Variants in TBC1D19 observed in about 807,000 individuals in gnomAD.
TBC1D19 encodes TBC1 domain family, member 19.
TBC1D19 carries 60 observed loss-of-function variants against 89.0 expected under a neutral mutation model. That is an observed-to-expected ratio of 0.67 (90% confidence interval 0.55 to 0.84). The LOEUF (loss-of-function observed/expected upper bound fraction) is 0.84. TBC1D19 is among the 40% of genes least tolerant of loss of function. The pLI, the probability that TBC1D19 is intolerant of heterozygous loss-of-function variation, is 0.00. For synonymous variants in TBC1D19, 189 were observed against 199.7 expected, an observed-to-expected ratio of 0.95 and a Z score of 0.45; for missense variants, 500 against 610.8, an observed-to-expected ratio of 0.82 and a Z score of 1.91.
intron 4 of TBC1D19, among the ~76,000 whole-genome samples, chr4:26,624,219 A>G (rs565941515): frequency 1.3e-5 from 2 of 152,150 alleles, no homozygotes; most frequent in South Asian, 2.1e-4. Context: ...CAAAAGTCCT[A>G]TCTATTTTGT....
At chr4:26,585,302 T>A (rs1305498268) in intron 1 of TBC1D19, 2 of 319,650 alleles carry the variant, frequency 6.3e-6, no homozygotes, top group African/African-American at 2.2e-5. Flanking sequence ...TTGATAGCGC[T>A]TGATGCTGCC....
At chr4:26,629,612 C>A (rs1742665349) in intron 4 of TBC1D19, among the ~76,000 whole-genome samples, 1 of 151,946 alleles carries the variant, frequency 6.6e-6, no homozygotes, top group Non-Finnish European at 1.5e-5. Flanking sequence ...TATAAAGAAT[C>A]AGAAACACAG....
At chr4:26,825,103 A>ATT in the TBC1D19 span, among the ~76,000 whole-genome samples, 28 of 144,682 alleles carry the variant, frequency 1.9e-4, no homozygotes, top group African/African-American at 3.8e-4. Flanking sequence ...ATAATTTAGG[A>ATT]TTTTTTTTTT....
chr4:26,755,093 C>T lies in TBC1D19; in HGVS notation c.*146C>T, dbSNP rs1414876439. On this transcript the variant is annotated 3_prime_UTR_variant, in exon 21 of 21. Coordinates refer to ENST00000264866, the MANE Select transcript of TBC1D19 (RefSeq NM_018317.4). ...CTCTTCAGTTAAACCTAAGTAGTTT[C>T]TCACTTTTTGAAACAATAACTCTGC... The T allele has an allele frequency of 5.0e-6, 3 of 599,434 alleles. No homozygotes were observed. The highest frequency in any genetic ancestry group is 3.8e-5 in the Admixed American group (1 of 26,166). 37.1% of individuals were successfully genotyped at this position (599,434 alleles called of 1,614,324 possible).
At chr4:26,686,228 A>G (rs1324247907) in intron 12 of TBC1D19, among the ~76,000 whole-genome samples, 2 of 152,224 alleles carry the variant, frequency 1.3e-5, no homozygotes, top group Non-Finnish European at 2.9e-5. Context: ...AAAGGAATGA[A>G]TGGAACAAGG....
intron 13 of TBC1D19, among the ~76,000 whole-genome samples, chr4:26,703,972 A>AAG (rs1294560510): frequency 6.6e-6 from 1 of 150,722 alleles, no homozygotes; most frequent in Non-Finnish European, 1.5e-5. Flanking sequence ...AAAAAAAAAA[A>AAG]AAAAGAAAAA....
At chr4:26,831,610 G>A in the TBC1D19 span, among the ~76,000 whole-genome samples, 11 of 135,724 alleles carry the variant, frequency 8.1e-5, no homozygotes, top group African/African-American at 2.5e-4. Flanking sequence ...TTTTTGAGAC[G>A]GAGTCTCTGT....
chr4:26,732,885 A>G (rs969002242), intron 15 of TBC1D19, among the ~76,000 whole-genome samples: 1 of 152,234 alleles, frequency 6.6e-6, no homozygotes, highest in African/African-American at 2.4e-5. Flanking sequence ...TATGAAGAAC[A>G]GCCAAAGGAA....
the TBC1D19 span, among the ~76,000 whole-genome samples, chr4:26,773,047 T>A: frequency 1.1e-4 from 16 of 152,242 alleles, no homozygotes; most frequent in Admixed American, 1.0e-3. Context: ...CCACACTATC[T>A]TCCACAGTGG....
intron 8 of TBC1D19, among the ~76,000 whole-genome samples, chr4:26,662,127 A>G (rs1745257335): frequency 6.6e-6 from 1 of 152,194 alleles, no homozygotes; most frequent in African/African-American, 2.4e-5. Context: ...TTTGTGATTC[A>G]GTACACTTTT....
At chr4:26,638,860 T>C in intron 6 of TBC1D19, 26 bp downstream of exon 6, 1 of 1,551,806 alleles carries the variant, frequency 6.4e-7, no homozygotes. Context: ...TTTCTGAATG[T>C]AGTAGTGGAA....
chr4:26,700,844 T>TG (rs1167395254), intron 13 of TBC1D19, among the ~76,000 whole-genome samples: 7 of 152,214 alleles, frequency 4.6e-5, no homozygotes, highest in Non-Finnish European at 1.0e-4. Flanking sequence ...TGCTGAATGC[T>TG]GGCCACCCCT....
chr4:26,691,351 G>A (rs963922798), intron 13 of TBC1D19, among the ~76,000 whole-genome samples: 4 of 152,206 alleles, frequency 2.6e-5, no homozygotes, highest in Non-Finnish European at 5.9e-5. Flanking sequence ...CAGGGTTCAA[G>A]CGAATTGACT....
intron 4 of TBC1D19, among the ~76,000 whole-genome samples, chr4:26,629,245 C>T (rs1381058787): frequency 6.6e-6 from 1 of 152,014 alleles, no homozygotes; most frequent in Non-Finnish European, 1.5e-5. Flanking sequence ...TTCTGCACAT[C>T]ATTTATGTTA....
At chr4:26,707,343 G>A (rs80172544) in intron 13 of TBC1D19, among the ~76,000 whole-genome samples, 1,876 of 152,006 alleles carry the variant, frequency 0.012, 34 homozygotes, top group African/African-American at 0.042. Context: ...TGTGATATAA[G>A]TACAGTCACC....
At chr4:26,713,236 CA>C (rs1456227274) in intron 13 of TBC1D19, among the ~76,000 whole-genome samples, 1 of 151,830 alleles carries the variant, frequency 6.6e-6, no homozygotes, top group Admixed American at 6.6e-5. Context: ...TGTAGTAAAA[CA>C]AATCACAACA....
the TBC1D19 span, among the ~76,000 whole-genome samples, chr4:26,774,408 A>G: frequency 6.6e-6 from 1 of 152,226 alleles, no homozygotes; most frequent in African/African-American, 2.4e-5. Context: ...AATAATACTG[A>G]ATCTTCCAAT....
the TBC1D19 span, among the ~76,000 whole-genome samples, chr4:26,772,231 CTACTATAGGCAATTACAAAGGCTT>C: frequency 6.6e-6 from 1 of 151,236 alleles, no homozygotes; most frequent in African/African-American, 2.4e-5. Flanking sequence ...TTTTCAGATC[CTACTATAGGCAATTACAAAGGCTT>C]TACCTCGCAG....
At chr4:26,718,185 TTTA>T (rs1716759605) in intron 14 of TBC1D19, among the ~76,000 whole-genome samples, 168 bp downstream of exon 14, 1 of 152,078 alleles carries the variant, frequency 6.6e-6, no homozygotes, top group Non-Finnish European at 1.5e-5. Flanking sequence ...GCCCAAGTAA[TTTA>T]TCACAAATCA....
Sources: gnomAD v4.1 joint callset for allele counts (sites outside exome capture counted in the v4.1 genomes callset) on GRCh38, gnomAD v4.1.1 for gene constraint, MANE v1.5 for transcripts, NCBI Gene and HGNC (gene_info 2026-07-23, HGNC 2026-07-21) for gene names.